Variants in ATF7 observed in about 807,000 individuals in gnomAD.
ATF7 encodes activating transcription factor 7.
Under a neutral mutation model 50.4 loss-of-function variants are expected in ATF7, and 10 were observed. The ratio of observed to expected loss-of-function variants is 0.20; its 90% CI spans 0.12 to 0.34. The LOEUF is 0.34. Ranked by LOEUF, ATF7 falls within the 10% of genes least tolerant of loss-of-function variation. ATF7 has a pLI of 1.00. For synonymous variants in ATF7, 201 were observed against 226.4 expected (o/e 0.89, Z 1.01); for missense variants, 465 against 613.9 (o/e 0.76, Z 2.56).
chr12:53,517,611 A>G (rs889441566), intron 11 of ATF7: 6 of 510,460 alleles, frequency 1.2e-5, no homozygotes, highest in Non-Finnish European at 2.1e-5. Context: ...CATGTTAATT[A>G]CACTGTCTGG....
intron 2 of ATF7, among the ~76,000 whole-genome samples, chr12:53,556,857 T>C (rs76296321): frequency 6.6e-6 from 1 of 152,232 alleles, no homozygotes; most frequent in Non-Finnish European, 1.5e-5. Flanking sequence ...AGATTAGTCA[T>C]AAACTTCATT....
chr12:53,579,951 T>A (rs1419267737), intron 2 of ATF7, among the ~76,000 whole-genome samples: 1 of 152,144 alleles, frequency 6.6e-6, no homozygotes, highest in Non-Finnish European at 1.5e-5. Context: ...TATCTTTTTT[T>A]TTGAGACGGA....
At chr12:53,590,435 G>A (rs1454661747) in intron 2 of ATF7, among the ~76,000 whole-genome samples, 1 of 152,154 alleles carries the variant, frequency 6.6e-6, no homozygotes, top group African/African-American at 2.4e-5. Flanking sequence ...GAGAGAATGA[G>A]ACTTTATTGT....
Position 53,534,655 on chromosome 12 carries a change from ACCT to A in ATF7, c.404_406del (p.Glu135del), listed in dbSNP as rs374698481. 5.0e-6 allele frequency: 8 copies of A among 1,610,450 alleles called. No homozygotes were observed. In the African/African-American group the frequency reaches 1.1e-4, roughly 22 times the overall value. On this transcript the variant is annotated inframe_deletion and splice_region_variant, in exon 6 of 12. Coordinates refer to ENST00000420353, the MANE Select transcript of ATF7 (RefSeq NM_006856.3). ...AGAGATCAGAACAGGCTTTGGGGTA[ACCT>A]CCTGGAGAAAAGAAACCAACAGATC...
At chr12:53,608,063 C>CA (rs1160279002) in intron 1 of ATF7, among the ~76,000 whole-genome samples, 1 of 151,312 alleles carries the variant, frequency 6.6e-6, no homozygotes, top group African/African-American at 2.4e-5. Context: ...ACTAAAAATA[C>CA]AAAAAAATTA....
intron 2 of ATF7, among the ~76,000 whole-genome samples, chr12:53,591,069 A>G (rs1942918577): frequency 6.6e-6 from 1 of 152,248 alleles, no homozygotes; most frequent in South Asian, 2.1e-4. Context: ...TGTAACAAAT[A>G]TAGCACACTG....
intron 9 of ATF7, among the ~76,000 whole-genome samples, chr12:53,528,768 A>AAAAAG (rs1356941137): frequency 2.0e-5 from 3 of 152,186 alleles, no homozygotes; most frequent in South Asian, 2.1e-4. Context: ...ATCTTAAAAA[A>AAAAAG]AAAAGAAAAG....
At chr12:53,579,048 G>A (rs1306822690) in intron 2 of ATF7, among the ~76,000 whole-genome samples, 3 of 151,986 alleles carry the variant, frequency 2.0e-5, no homozygotes, top group African/African-American at 7.3e-5. Context: ...TTCGAGACCA[G>A]CCTGGCCAAC....
At chr12:53,573,515 A>G (rs1352072948) in intron 2 of ATF7, among the ~76,000 whole-genome samples, 1 of 152,090 alleles carries the variant, frequency 6.6e-6, no homozygotes, top group Non-Finnish European at 1.5e-5. Flanking sequence ...TGCCTTTTTG[A>G]ATTCTGCGGA....
chr12:53,624,312 T>C (rs997451224), intron 1 of ATF7, among the ~76,000 whole-genome samples: 30 of 152,244 alleles, frequency 2.0e-4, no homozygotes, highest in Non-Finnish European at 4.0e-4. Flanking sequence ...CTTCAGCTGA[T>C]TGCAGAAAAC....
chr12:53,612,197 A>G (rs1338555683), intron 1 of ATF7, among the ~76,000 whole-genome samples: 2 of 152,050 alleles, frequency 1.3e-5, no homozygotes, highest in Non-Finnish European at 2.9e-5. Flanking sequence ...GCTGGTCTCG[A>G]ACTCCTGACC....
At chr12:53,558,553 ATAGGAAAAT>A (rs1940892040) in intron 2 of ATF7, among the ~76,000 whole-genome samples, 1 of 152,188 alleles carries the variant, frequency 6.6e-6, no homozygotes, top group South Asian at 2.1e-4. Flanking sequence ...AATACTTAGG[ATAGGAAAAT>A]TAGGAAGATG....
intron 1 of ATF7, among the ~76,000 whole-genome samples, chr12:53,606,809 C>A (rs189480020): frequency 1.4e-5 from 2 of 145,384 alleles, no homozygotes; most frequent in Admixed American, 7.2e-5. Flanking sequence ...TGAGAACATG[C>A]GGTGTTTGGT....
intron 2 of ATF7, among the ~76,000 whole-genome samples, chr12:53,562,520 G>A (rs1261024896): frequency 6.6e-6 from 1 of 152,008 alleles, no homozygotes; most frequent in Non-Finnish European, 1.5e-5. Flanking sequence ...GTACGCACCT[G>A]TAATCCCAGC....
intron 2 of ATF7, among the ~76,000 whole-genome samples, chr12:53,599,897 G>A (rs1290890035): frequency 6.6e-6 from 1 of 151,764 alleles, no homozygotes; most frequent in Non-Finnish European, 1.5e-5. Flanking sequence ...CATCCTTTGT[G>A]GAACATGGCA....
intron 1 of ATF7, chr12:53,625,907 T>C (rs1295793802): frequency 6.6e-6 from 1 of 152,350 alleles, no homozygotes; most frequent in Admixed American, 6.5e-5. Flanking sequence ...CAGGATTCAA[T>C]TCCCCTCTCC....
intron 2 of ATF7, among the ~76,000 whole-genome samples, chr12:53,560,423 C>T (rs181171867): frequency 2.0e-5 from 3 of 151,658 alleles, no homozygotes; most frequent in East Asian, 1.9e-4. Context: ...GCAAATGAGA[C>T]GTAAGGCCAA....
chr12:53,551,217 T>C (rs1355851728), intron 3 of ATF7, among the ~76,000 whole-genome samples: 1 of 152,152 alleles, frequency 6.6e-6, no homozygotes, highest in East Asian at 1.9e-4. Flanking sequence ...TAGAGTGCAG[T>C]AGCACGGTCA....
chr12:53,573,336 T>C (rs763421334), intron 2 of ATF7, among the ~76,000 whole-genome samples: 12 of 152,162 alleles, frequency 7.9e-5, no homozygotes, highest in Non-Finnish European at 1.6e-4. Flanking sequence ...AATCCACAGA[T>C]ACTCAAGTCC....
Sources: gnomAD v4.1 joint callset for allele counts (sites outside exome capture counted in the v4.1 genomes callset) on GRCh38, gnomAD v4.1.1 for gene constraint, MANE v1.5 for transcripts, NCBI Gene and HGNC (gene_info 2026-07-23, HGNC 2026-07-21) for gene names.